NREP: variants seen among roughly 807,000 people sequenced by gnomAD.
NREP encodes neuronal regeneration-related protein.
A neutral mutation model predicts 8.6 loss-of-function variants in NREP; 5 were observed. The observed-to-expected ratio is 0.58, with a 90% CI of 0.30 to 1.22. NREP has a LOEUF of 1.22. NREP is among the 50% of genes most tolerant of loss of function. The probability of loss-of-function intolerance (pLI) is 0.07; values close to 1 mark genes in which losing one functional copy is unlikely to be tolerated. For missense variants in NREP, 86 were observed against 82.5 expected (o/e 1.04, Z -0.17); for synonymous variants, 27 against 28.0 (o/e 0.96, Z 0.11).
chr5:111,782,651 A>G lies in NREP; in HGVS notation c.136-47144T>C, dbSNP rs1187737292. Among the ~76,000 whole-genome samples, 3 of 152,302 alleles carry G rather than the reference A, an allele frequency of 2.0e-5. No individual in the cohort carries two copies. The East Asian group carries it at 5.8e-4, about 29-fold the overall frequency. On this transcript the variant is annotated intron_variant, in intron 2 of 3. Transcript: ENST00000395634. Reference sequence around the variant, plus strand: ...ATATTTTGATGAGTAAAACAGAGAAAAACCAGAAATTTCCCATAAAATACA... The same window carrying G: ...ATATTTTGATGAGTAAAACAGAGAAGAACCAGAAATTTCCCATAAAATACA...
intron 2 of NREP, among the ~76,000 whole-genome samples, chr5:111,926,283 T>A (rs1006637086): frequency 6.6e-6 from 1 of 152,016 alleles, no homozygotes; most frequent in Non-Finnish European, 1.5e-5. Context: ...GAGCCCTGGA[T>A]AATGGGGACA....
chr5:111,930,838 T>C (rs1755517176), intron 2 of NREP, among the ~76,000 whole-genome samples: 1 of 152,050 alleles, frequency 6.6e-6, no homozygotes, highest in Non-Finnish European at 1.5e-5. Flanking sequence ...GGTCAAGGAG[T>C]TAAGACAGAA....
At chr5:111,870,907 C>G (rs1373180009) in intron 2 of NREP, among the ~76,000 whole-genome samples, 1 of 152,140 alleles carries the variant, frequency 6.6e-6, no homozygotes, top group Non-Finnish European at 1.5e-5. Flanking sequence ...TTTCTGACTT[C>G]TAGACTCCAG....
At chr5:111,964,971 C>T (rs993917552) in intron 2 of NREP, among the ~76,000 whole-genome samples, 5 of 146,526 alleles carry the variant, frequency 3.4e-5, no homozygotes, top group African/African-American at 7.6e-5. Context: ...GAAGTCCAGA[C>T]GTAAGGAAAA....
intron 2 of NREP, among the ~76,000 whole-genome samples, chr5:111,957,082 A>G (rs1411450277): frequency 6.6e-6 from 1 of 151,926 alleles, no homozygotes; most frequent in African/African-American, 2.4e-5. Flanking sequence ...TTGTCCAGAG[A>G]GGAAAGAAGA....
upstream of NREP, chr5:111,757,784 G>A: frequency 2.1e-6 from 2 of 973,946 alleles, no homozygotes; most frequent in Non-Finnish European, 2.4e-6. Flanking sequence ...CCCCCGGCCA[G>A]CCTCTCCGCC....
intron 2 of NREP, among the ~76,000 whole-genome samples, chr5:111,793,026 T>C (rs1751787154): frequency 6.6e-6 from 1 of 152,186 alleles, no homozygotes; most frequent in Admixed American, 6.6e-5. Flanking sequence ...AGGGGACATG[T>C]CGTACTAATT....
At chr5:111,757,085 C>CA in intron 1 of NREP, 51 bp downstream of exon 1, 1 of 487,980 alleles carries the variant, frequency 2.0e-6, no homozygotes, top group Non-Finnish European at 2.7e-6. Context: ...GGAATCGACA[C>CA]AAAAGAGAAA....
At chr5:111,881,550 C>T (rs189082803) in intron 2 of NREP, among the ~76,000 whole-genome samples, 1,687 of 152,266 alleles carry the variant, frequency 0.011, 17 homozygotes, top group South Asian at 0.036. Context: ...TGACCCCTGA[C>T]CCCCAAGCAG....
chr5:111,785,913 A>G (rs554987349), intron 2 of NREP, among the ~76,000 whole-genome samples: 1 of 152,262 alleles, frequency 6.6e-6, no homozygotes, highest in Non-Finnish European at 1.5e-5. Context: ...GGGAGAGGGA[A>G]GAGGGTTGCA....
At chr5:111,836,721 T>A (rs1022135338) in intron 2 of NREP, among the ~76,000 whole-genome samples, 22 of 151,992 alleles carry the variant, frequency 1.4e-4, no homozygotes, top group African/African-American at 5.3e-4. Flanking sequence ...ACATGGAAAT[T>A]CCTATAGGCT....
chr5:111,791,892 G>T (rs562925982), intron 2 of NREP, among the ~76,000 whole-genome samples: 19 of 152,286 alleles, frequency 1.2e-4, no homozygotes, highest in South Asian at 8.3e-4. Flanking sequence ...TATTGAGTTT[G>T]CCAGGTCTGG....
chr5:111,874,565 T>A (rs1367320155), intron 2 of NREP, among the ~76,000 whole-genome samples: 2 of 152,126 alleles, frequency 1.3e-5, no homozygotes, highest in Admixed American at 6.6e-5. Context: ...GGGACTGGCA[T>A]CAGGAGAATT....
intron 2 of NREP, among the ~76,000 whole-genome samples, chr5:111,897,564 T>C (rs1159901029): frequency 6.6e-6 from 1 of 152,134 alleles, no homozygotes; most frequent in African/African-American, 2.4e-5. Flanking sequence ...TTGGCTTGTC[T>C]CTGTTCTACT....
chr5:111,864,305 G>A (rs1455975926), intron 2 of NREP, among the ~76,000 whole-genome samples: 4 of 152,060 alleles, frequency 2.6e-5, no homozygotes, highest in Non-Finnish European at 4.4e-5. Flanking sequence ...GTAATGTTGT[G>A]GAAGTATTGC....
intron 2 of NREP, among the ~76,000 whole-genome samples, chr5:111,882,625 T>A (rs375488132): frequency 6.6e-6 from 1 of 152,218 alleles, no homozygotes; most frequent in African/African-American, 2.4e-5. Flanking sequence ...GACTAACAGC[T>A]GATCTCTCGG....
chr5:111,973,537 T>G (rs2112676026), intron 2 of NREP, among the ~76,000 whole-genome samples: 1 of 152,350 alleles, frequency 6.6e-6, no homozygotes, highest in South Asian at 2.1e-4. Context: ...ATATTTAGTC[T>G]GGTGACCTTC....
At chr5:111,801,322 G>C (rs769372914) in intron 2 of NREP, among the ~76,000 whole-genome samples, 9 of 152,276 alleles carry the variant, frequency 5.9e-5, no homozygotes, top group Non-Finnish European at 1.2e-4. Flanking sequence ...TGCTGAGAGA[G>C]GGGGTGCAGA....
chr5:111,767,756 C>T (rs62371569), intron 2 of NREP, among the ~76,000 whole-genome samples: 13,110 of 152,202 alleles, frequency 0.086, 662 homozygotes, highest in Non-Finnish European at 0.11. Context: ...GACTCCACCT[C>T]CTAGTCTCAA....
Sources: allele counts gnomAD v4.1 joint callset (sites outside exome capture counted in the v4.1 genomes callset), GRCh38; gene constraint gnomAD v4.1.1; transcripts MANE v1.5; gene names NCBI Gene and HGNC (gene_info 2026-07-23, HGNC 2026-07-21).